CATSPERE: variants seen among roughly 807,000 people sequenced by gnomAD.
CATSPERE encodes catsper channel auxiliary subunit epsilon.
CATSPERE carries 93 observed loss-of-function variants against 114.1 expected under a neutral mutation model. The observed-to-expected ratio is 0.81, with a 90% CI of 0.69 to 0.97. The LOEUF is 0.97. Ranked by LOEUF, CATSPERE falls within the 50% of genes least tolerant of loss-of-function variation. The pLI is 0.00. For synonymous variants in CATSPERE, 341 were observed against 384.1 expected (o/e 0.89, Z 1.31); for missense variants, 1,058 against 1,131.6 (o/e 0.93, Z 0.93).
At chr1:244,512,087 C>T (rs1347162786) in intron 7 of CATSPERE, among the ~76,000 whole-genome samples, 1 of 152,146 alleles carries the variant, frequency 6.6e-6, no homozygotes, top group African/African-American at 2.4e-5. Flanking sequence ...ATATATCTTG[C>T]AAGGCTTGGG....
At chr1:244,601,213 A>G (rs1258543019) in intron 17 of CATSPERE, among the ~76,000 whole-genome samples, 3 of 152,160 alleles carry the variant, frequency 2.0e-5, no homozygotes, top group Non-Finnish European at 4.4e-5. Flanking sequence ...GTGGAAATTA[A>G]CCAGGATGCA....
intron 2 of CATSPERE, among the ~76,000 whole-genome samples, chr1:244,467,050 G>A (rs887405387): frequency 1.3e-5 from 2 of 152,198 alleles, no homozygotes; most frequent in African/African-American, 2.4e-5. Flanking sequence ...AATGATCATG[G>A]CTGAGAATAC....
intron 6 of CATSPERE, among the ~76,000 whole-genome samples, chr1:244,493,249 G>T (rs1558365924): frequency 6.6e-6 from 1 of 152,156 alleles, no homozygotes; most frequent in Non-Finnish European, 1.5e-5. Context: ...TACCAAAACA[G>T]AGATATAGAT....
intron 5 of CATSPERE, among the ~76,000 whole-genome samples, chr1:244,485,703 T>G (rs75286880): frequency 0.33 from 36,888 of 112,126 alleles, 4,707 homozygotes; most frequent in East Asian, 0.59. Context: ...GTTTTTTTTG[T>G]TTTTTTTTTT....
intron 19 of CATSPERE, among the ~76,000 whole-genome samples, chr1:244,613,020 G>A (rs376105650): frequency 2.1e-4 from 32 of 152,242 alleles, no homozygotes; most frequent in African/African-American, 7.7e-4. Flanking sequence ...TTCACATTAG[G>A]AAATAAGGAA....
At chr1:244,569,084 C>T (rs1049924013) in intron 10 of CATSPERE, among the ~76,000 whole-genome samples, 7 of 149,636 alleles carry the variant, frequency 4.7e-5, no homozygotes, top group Non-Finnish European at 8.8e-5. Flanking sequence ...ATGGCACAGT[C>T]CCTCATGGCT....
chr1:244,561,196 C>T (rs1439142105), intron 10 of CATSPERE, 51 bp downstream of exon 10: 16 of 1,282,486 alleles, frequency 1.2e-5, no homozygotes, highest in South Asian at 6.7e-5. Context: ...CTATAGACAT[C>T]TTCCTTATAA....
At chr1:244,510,019 A>T (rs1004019005) in intron 7 of CATSPERE, among the ~76,000 whole-genome samples, 1 of 152,066 alleles carries the variant, frequency 6.6e-6, no homozygotes, top group African/African-American at 2.4e-5. Flanking sequence ...TTTTTTAAAA[A>T]TCAACTTTTT....
intron 13 of CATSPERE, among the ~76,000 whole-genome samples, chr1:244,584,897 GTC>G (rs1666810544): frequency 6.6e-6 from 1 of 152,094 alleles, no homozygotes; most frequent in Admixed American, 6.6e-5. Context: ...CAACTCCCCT[GTC>G]TGCCTACCAC....
chr1:244,615,168 T>A (rs1671220044), intron 19 of CATSPERE, among the ~76,000 whole-genome samples: 1 of 150,874 alleles, frequency 6.6e-6, no homozygotes, highest in Non-Finnish European at 1.5e-5. Flanking sequence ...GGACTTGGAA[T>A]TACCCTCACT....
At chr1:244,484,983 G>C (rs956116503) in intron 5 of CATSPERE, among the ~76,000 whole-genome samples, 2 of 151,908 alleles carry the variant, frequency 1.3e-5, no homozygotes, top group Non-Finnish European at 2.9e-5. Flanking sequence ...TTCGACTTCA[G>C]TTGGTAAGTC....
chr1:244,553,602 T>TACACACACACACACACACACAC (rs67626437), intron 9 of CATSPERE, among the ~76,000 whole-genome samples: 1 of 91,944 alleles, frequency 1.1e-5, no homozygotes, highest in African/African-American at 5.1e-5. Flanking sequence ...AAAAAAAAAA[T>TACACACACACACACACACACAC]ACACACACAC....
chr1:244,462,067 G>A (rs1666907265), intron 1 of CATSPERE, among the ~76,000 whole-genome samples: 1 of 152,016 alleles, frequency 6.6e-6, no homozygotes, highest in Non-Finnish European at 1.5e-5. Flanking sequence ...TCCTCCTGCC[G>A]GGGCCTCCCA....
In CATSPERE at chr1:244,568,587, C is replaced by T. The variant is rs570226781; in HGVS notation, c.1508-3743C>T. ...GGCAGTCTGGCTATGGCAGCTGTGC[C>T]GAGCTGTGGTGGGCTCCGCCCAGTT... On this transcript the variant is annotated intron_variant, in intron 10 of 21. Transcript: ENST00000366534. The surrounding 1 kb of genome is among the most constrained non-coding windows in gnomAD (Gnocchi z 4.4). Among the ~76,000 whole-genome samples, 21 of 152,308 alleles carry T rather than the reference C, an allele frequency of 1.4e-4. No homozygotes were observed. The highest frequency in any genetic ancestry group is 2.9e-4 in the Non-Finnish European group (20 of 68,018).
chr1:244,517,572 GAC>G (rs1422197627), intron 7 of CATSPERE, among the ~76,000 whole-genome samples: 1 of 151,878 alleles, frequency 6.6e-6, no homozygotes, highest in Non-Finnish European at 1.5e-5. Context: ...AGGAGTTCGA[GAC>G]CAGCCTCACC....
intron 20 of CATSPERE, among the ~76,000 whole-genome samples, chr1:244,625,432 A>ATTTTTTTTTTTTTTT (rs61325021): frequency 0.086 from 343 of 3,986 alleles, 137 homozygotes; most frequent in Admixed American, 0.12. Flanking sequence ...ATATATATAT[A>ATTTTTTTTTTTTTTT]TTTTTTTTTT....
intron 19 of CATSPERE, among the ~76,000 whole-genome samples, chr1:244,611,166 G>A (rs1670677099): frequency 6.6e-6 from 1 of 152,168 alleles, no homozygotes; most frequent in Admixed American, 6.6e-5. Context: ...TAGAATGTAA[G>A]CTCCATGAGG....
intron 8 of CATSPERE, among the ~76,000 whole-genome samples, chr1:244,547,588 CTAAGT>C (rs141895920): frequency 0.12 from 18,659 of 151,874 alleles, 1,919 homozygotes; most frequent in African/African-American, 0.28. Flanking sequence ...AAATTTCAAT[CTAAGT>C]TAAGTTGTTA....
intron 5 of CATSPERE, among the ~76,000 whole-genome samples, chr1:244,487,482 T>TTAGGG (rs962956466): frequency 3.3e-5 from 5 of 152,034 alleles, no homozygotes; most frequent in Admixed American, 3.3e-4. Context: ...GATACCTGGA[T>TTAGGG]TAGGGGGAGG....
Sources: gnomAD v4.1 joint callset for allele counts (sites outside exome capture counted in the v4.1 genomes callset) on GRCh38, gnomAD v4.1.1 for gene constraint, Gnocchi (gnomAD v3.1) non-coding constraint, MANE v1.5 for transcripts, NCBI Gene and HGNC (gene_info 2026-07-23, HGNC 2026-07-21) for gene names.